CDH4: variants seen among roughly 807,000 people sequenced by gnomAD.
The protein encoded by CDH4 is cadherin 4, also known as cadherin-4.
In CDH4, 33 loss-of-function variants were observed where a neutral mutation model predicts 86.0. The observed-to-expected ratio is 0.38, with a 90% CI of 0.29 to 0.51. The LOEUF (loss-of-function observed/expected upper bound fraction) is 0.51, where lower values mean the gene tolerates loss of function less well. Ranked by LOEUF, CDH4 falls within the 20% of genes least tolerant of loss-of-function variation. The pLI is 0.86. For missense variants in CDH4, 1,114 were observed against 1,307.4 expected (o/e 0.85, Z 2.28); for synonymous variants, 555 against 549.4 (o/e 1.01, Z -0.14).
At chr20:61,816,600 G>C (rs1257250599) in intron 4 of CDH4, among the ~76,000 whole-genome samples, 1 of 152,124 alleles carries the variant, frequency 6.6e-6, no homozygotes, top group East Asian at 1.9e-4. Flanking sequence ...TCCTGCCATG[G>C]GTGAGTGGCT....
At chr20:61,618,546 CT>C (rs2086744425) in intron 2 of CDH4, among the ~76,000 whole-genome samples, 3 of 152,156 alleles carry the variant, frequency 2.0e-5, no homozygotes, top group Admixed American at 6.5e-5. Context: ...GGACCCCGGC[CT>C]GTGTGCTCAG....
chr20:61,593,527 C>G (rs2086532669), intron 2 of CDH4, among the ~76,000 whole-genome samples: 1 of 152,202 alleles, frequency 6.6e-6, no homozygotes, highest in African/African-American at 2.4e-5. Flanking sequence ...ATTCCAGTTT[C>G]ATGTTTTAGT....
At chr20:61,767,248 G>T (rs568871865) in intron 3 of CDH4, among the ~76,000 whole-genome samples, 1 of 152,348 alleles carries the variant, frequency 6.6e-6, no homozygotes, top group South Asian at 2.1e-4. Context: ...CTCAAGGGTG[G>T]CATCAGTAAC....
rs1041573668 is a variant in CDH4 at position 61,810,584 on chromosome 20, C to CCCTGCCT, written c.577-34074_577-34068dup. 9.9e-5 allele frequency among the ~76,000 whole-genome samples: 15 copies of CCCTGCCT among 152,254 alleles called. No individual in the cohort carries two copies. The South Asian group carries it at 2.5e-3, about 25-fold the overall frequency. On this transcript the variant is annotated intron_variant, in intron 4 of 15. Coordinates refer to ENST00000614565, the MANE Select transcript of CDH4 (RefSeq NM_001794.5). This position sits in a 1 kb window ranked among gnomAD's most constrained non-coding sequence, Gnocchi z 4.3. ...AGCCCCAGCCCGTGTGCCCGCCTCA[C>CCCTGCCT]CCTGCCTCCTGCCTCCCGCCCTGCT...
At chr20:61,451,129 C>CCCCCCT (rs1555851644) in intron 2 of CDH4, among the ~76,000 whole-genome samples, 2 of 149,646 alleles carry the variant, frequency 1.3e-5, no homozygotes, top group African/African-American at 5.0e-5. Flanking sequence ...CACGCCCCCC[C>CCCCCCT]CCTTCCCTCC....
chr20:61,840,308 C>T (rs1183164266), intron 4 of CDH4, among the ~76,000 whole-genome samples: 2 of 152,158 alleles, frequency 1.3e-5, no homozygotes, highest in Admixed American at 6.5e-5. Flanking sequence ...TCTCTCTCCC[C>T]GGCTTCCACC....
rs1029398407 is a variant in CDH4, at chr20:61,936,908, C to G, written c.2716C>G (p.Leu906Val). The part of the protein sequence containing the change: ...LNDWGPRFKK[L>V]ADMYGGGEED ...CGACTGGGGGCCCAGATTCAAGAAG[C>G]TGGCGGACATGTATGGAGGTGGTGA... is the stretch of plus-strand genomic sequence containing the variant. Residue 906 changes from leucine to valine, a missense_variant, in exon 16 of 16, where the codon CTG becomes GTG. Leu to Val is a conservative substitution (Grantham distance 32). This residue lies in a region of CDH4 where 188 missense variants were observed against 183.8 expected (regional missense o/e 1.02). Coordinates refer to ENST00000614565, the MANE Select transcript of CDH4 (RefSeq NM_001794.5). 1 of 1,600,418 alleles carries G rather than the reference C, an allele frequency of 6.2e-7. No homozygotes were observed. The highest frequency in any genetic ancestry group is 1.7e-5 in the Admixed American group (1 of 58,518).
intron 2 of CDH4, among the ~76,000 whole-genome samples, chr20:61,415,776 T>G (rs1236494876): frequency 6.6e-6 from 1 of 152,216 alleles, no homozygotes; most frequent in East Asian, 1.9e-4. Flanking sequence ...CTCAGCTCAC[T>G]AAAACCTCTG....
rs374395404 is a variant in CDH4, at chr20:61,857,493, G to A, written c.877+4595G>A. 1.4e-4 allele frequency among the ~76,000 whole-genome samples: 22 copies of A among 152,364 alleles called. No homozygotes were observed. In the South Asian group the frequency reaches 3.7e-3, roughly 26 times the overall value. Reference sequence around the variant, plus strand: ...CAAGGTCCACCTGAAATGACGGGAGGGCCGAGGATTTTTGCCCAGTTTCCA... The same window carrying A: ...CAAGGTCCACCTGAAATGACGGGAGAGCCGAGGATTTTTGCCCAGTTTCCA... On this transcript the variant is annotated intron_variant, in intron 6 of 15. Transcript: ENST00000614565.
intron 3 of CDH4, among the ~76,000 whole-genome samples, chr20:61,769,658 C>T (rs6061816): frequency 0.54 from 81,794 of 151,918 alleles, 22,551 homozygotes; most frequent in African/African-American, 0.64. Context: ...CCTCGCATGG[C>T]AGGAAAGTGG....
chr20:61,657,384 T>C (rs957740472), intron 2 of CDH4, among the ~76,000 whole-genome samples: 1 of 152,260 alleles, frequency 6.6e-6, no homozygotes, highest in Non-Finnish European at 1.5e-5. Context: ...AGATGTATCT[T>C]TGAATAACTT....
At chr20:61,714,918 A>G (rs1372098488) in intron 2 of CDH4, among the ~76,000 whole-genome samples, 4 of 152,210 alleles carry the variant, frequency 2.6e-5, no homozygotes, top group Admixed American at 2.0e-4. Context: ...TCCATTGGGT[A>G]GATACCCAGT....
chr20:61,256,256 T>A (rs551482985), intron 2 of CDH4, among the ~76,000 whole-genome samples: 65 of 152,314 alleles, frequency 4.3e-4, no homozygotes, highest in African/African-American at 1.5e-3. Context: ...CTGACTGCAG[T>A]CTGCTGTGTG....
In CDH4 at chr20:61,767,855, C is replaced by T. The variant is rs551100747; in HGVS notation, c.397-5148C>T. On this transcript the variant is annotated intron_variant, in intron 3 of 15. Transcript: ENST00000614565. The stretch of plus-strand genomic sequence containing the variant: ...ATAAAAGTAGGACCACAGCCCAGGT[C>T]TCATCCTGTCAAGGACGGCTCCATG... Among the ~76,000 whole-genome samples the T allele has an allele frequency of 3.3e-5, 5 of 152,336 alleles. No individual in the cohort carries two copies. In the East Asian group the frequency reaches 9.6e-4, roughly 29 times the overall value.
intron 2 of CDH4, among the ~76,000 whole-genome samples, chr20:61,389,416 C>T (rs538500812): frequency 1.3e-5 from 2 of 152,352 alleles, no homozygotes; most frequent in East Asian, 3.9e-4. Flanking sequence ...TAAAAGTGAG[C>T]ATGTCTTTCT....
chr20:61,272,843 CACCATACGCAGTTTGGGAGAGT>C (rs2084190576), intron 2 of CDH4, among the ~76,000 whole-genome samples: 1 of 119,072 alleles, frequency 8.4e-6, no homozygotes. Context: ...TTTGGGGGAG[CACCATACGCAGTTTGGGAGAGT>C]ACCATGCGCA....
chr20:61,640,310 G>A (rs985149371), intron 2 of CDH4, among the ~76,000 whole-genome samples: 8 of 152,236 alleles, frequency 5.3e-5, no homozygotes, highest in East Asian at 3.8e-4. Context: ...CCTGGCTCAC[G>A]GCCGATGCAG....
intron 2 of CDH4, among the ~76,000 whole-genome samples, chr20:61,587,548 G>A (rs575683439): frequency 6.6e-6 from 1 of 152,226 alleles, no homozygotes; most frequent in Non-Finnish European, 1.5e-5. Flanking sequence ...AGGGTTCCAG[G>A]CCGAGCGCGG....
intron 2 of CDH4, among the ~76,000 whole-genome samples, chr20:61,701,337 C>T (rs1226956412): frequency 2.6e-5 from 4 of 152,146 alleles, no homozygotes; most frequent in Admixed American, 6.5e-5. Context: ...GTATGAATTG[C>T]AGGGGACAGA....
Sources: gnomAD v4.1 joint callset for allele counts (sites outside exome capture counted in the v4.1 genomes callset) on GRCh38, gnomAD v4.1.1 for gene constraint, gnomAD v4.1.1 regional missense constraint, Gnocchi (gnomAD v3.1) non-coding constraint, MANE v1.5 for transcripts, NCBI Gene and HGNC (gene_info 2026-07-23, HGNC 2026-07-21) for gene names.